RIMS2: variants seen among roughly 807,000 people sequenced by gnomAD.
The protein encoded by RIMS2 is regulating synaptic membrane exocytosis 2, also known as regulating synaptic membrane exocytosis protein 2.
RIMS2 carries 59 observed loss-of-function variants against 174.4 expected under a neutral mutation model. The observed-to-expected ratio is 0.34, with a 90% confidence interval of 0.27 to 0.42. The LOEUF is 0.42. RIMS2 is among the 10% of genes least tolerant of loss of function. RIMS2 has a pLI of 1.00. For missense variants in RIMS2, 1,620 were observed against 1,666.3 expected (o/e 0.97, Z 0.48); for synonymous variants, 606 against 572.5 (o/e 1.06, Z -0.84).
At chr8:103,875,790 A>G in intron 3 of RIMS2, among the ~76,000 whole-genome samples, 1 of 151,966 alleles carries the variant, frequency 6.6e-6, no homozygotes, top group Non-Finnish European at 1.5e-5. Context: ...CTGACTGTTT[A>G]ATAATGGCCA....
chr8:104,002,541 C>T (rs1596836570), intron 17 of RIMS2, among the ~76,000 whole-genome samples: 1 of 152,208 alleles, frequency 6.6e-6, no homozygotes, highest in East Asian at 1.9e-4. Flanking sequence ...AAAGTAGCAT[C>T]AGTATCTAAG....
chr8:103,766,529 T>C, exon 3 of RIMS2: 1 of 1,605,266 alleles, frequency 6.2e-7, no homozygotes, highest in Non-Finnish European at 8.5e-7. Flanking sequence ...GTGACATAGC[T>C]TCAGACAGGT....
chr8:103,946,566 A>G (rs1470287756), intron 14 of RIMS2, among the ~76,000 whole-genome samples: 1 of 152,190 alleles, frequency 6.6e-6, no homozygotes, highest in Non-Finnish European at 1.5e-5. Context: ...AAGATGTTCA[A>G]ACTCGTACAA....
chr8:104,107,334 A>G (rs1239813041), intron 19 of RIMS2, among the ~76,000 whole-genome samples: 1 of 152,138 alleles, frequency 6.6e-6, no homozygotes, highest in East Asian at 1.9e-4. Flanking sequence ...CTTTTAAAAT[A>G]ATAGTTTCTC....
chr8:103,513,660 G>T (rs559330864), intron 1 of RIMS2, among the ~76,000 whole-genome samples: 2 of 152,262 alleles, frequency 1.3e-5, no homozygotes, highest in South Asian at 4.1e-4. Context: ...GGGAATTGTG[G>T]TTAAGGAAGT....
chr8:104,095,910 G>A (rs1338735215), intron 19 of RIMS2, among the ~76,000 whole-genome samples: 1 of 151,902 alleles, frequency 6.6e-6, no homozygotes, highest in Non-Finnish European at 1.5e-5. Flanking sequence ...CCCTTCCCTT[G>A]TTATCTTAGA....
chr8:104,007,891 T>G (rs555772713), intron 17 of RIMS2, among the ~76,000 whole-genome samples: 1 of 152,274 alleles, frequency 6.6e-6, no homozygotes, highest in South Asian at 2.1e-4. Flanking sequence ...TTGGACTTAT[T>G]ATGAAGTGAC....
chr8:103,946,621 A>G (rs771818673), intron 14 of RIMS2, among the ~76,000 whole-genome samples: 2 of 152,234 alleles, frequency 1.3e-5, no homozygotes, highest in Non-Finnish European at 2.9e-5. Context: ...AAAGAGATAT[A>G]AATAAATGGA....
rs1489360917 is a variant in RIMS2 at position 104,082,474 on chromosome 8, T to A, written c.3334+67859T>A. ...GAATGTAACACATGAAGTGAAGGAC[T>A]TCTCAGGCTGAAGAGAGAGCTTAAA... On this transcript the variant is annotated intron_variant, in intron 19 of 23. Coordinates refer to ENST00000504942, the Ensembl canonical transcript of RIMS2. Among the ~76,000 whole-genome samples the A allele has an allele frequency of 1.2e-4, 18 of 152,132 alleles. No individual in the cohort carries two copies. In the South Asian group the frequency reaches 1.7e-3, roughly 14 times the overall value.
chr8:103,686,223 T>G (rs1486667545), intron 1 of RIMS2, among the ~76,000 whole-genome samples: 1 of 152,142 alleles, frequency 6.6e-6, no homozygotes, highest in Non-Finnish European at 1.5e-5. Flanking sequence ...ACAAGAGGTT[T>G]TTTCTTTCTA....
At chr8:104,154,001 C>T (rs1000672849) in intron 19 of RIMS2, among the ~76,000 whole-genome samples, 6 of 152,046 alleles carry the variant, frequency 3.9e-5, no homozygotes, top group Non-Finnish European at 8.8e-5. Context: ...GTAAAGAAAA[C>T]GAAGAGGTGA....
At chr8:103,518,220 T>C (rs901565432) in intron 1 of RIMS2, among the ~76,000 whole-genome samples, 36 of 152,222 alleles carry the variant, frequency 2.4e-4, no homozygotes, top group African/African-American at 8.7e-4. Flanking sequence ...CAAAAAATGA[T>C]TTGTAAGTTA....
At chr8:103,677,090 A>C (rs751451542) in intron 1 of RIMS2, among the ~76,000 whole-genome samples, 3 of 152,310 alleles carry the variant, frequency 2.0e-5, no homozygotes, top group Non-Finnish European at 4.4e-5. Context: ...CAAGTGTTTG[A>C]TGCTTTTGGG....
intron 13 of RIMS2, among the ~76,000 whole-genome samples, chr8:103,938,603 C>T (rs2081846486): frequency 6.6e-6 from 1 of 152,098 alleles, no homozygotes; most frequent in South Asian, 2.1e-4. Context: ...CATTTCAAAA[C>T]CAATCATGCC....
chr8:103,599,423 A>AATAT (rs747975885), intron 1 of RIMS2, among the ~76,000 whole-genome samples: 2 of 147,626 alleles, frequency 1.4e-5, no homozygotes, highest in Admixed American at 1.4e-4. Context: ...TATATAAATA[A>AATAT]ATATATATGT....
chr8:103,989,658 T>C (rs1337942126), intron 17 of RIMS2, among the ~76,000 whole-genome samples: 8 of 152,240 alleles, frequency 5.3e-5, no homozygotes, highest in Non-Finnish European at 1.2e-4. Context: ...CATTTTGTTT[T>C]TGGTTTAATC....
At chr8:103,818,298 A>C (rs756458083) in intron 3 of RIMS2, among the ~76,000 whole-genome samples, 3 of 152,178 alleles carry the variant, frequency 2.0e-5, no homozygotes, top group Non-Finnish European at 4.4e-5. Context: ...AAAGGTTAAG[A>C]GCTATTAAAA....
intron 3 of RIMS2, among the ~76,000 whole-genome samples, chr8:103,772,511 A>G (rs1408644279): frequency 6.6e-6 from 1 of 152,132 alleles, no homozygotes; most frequent in African/African-American, 2.4e-5. Context: ...GAAAGAAATA[A>G]AAGAAAGTCT....
In RIMS2 at chr8:103,826,069, C is replaced by CT. The variant is rs1312097547; in HGVS notation, c.699-59226dup. ...TGTTGTTGGCTATTTGTGTATCCTC[C>CT]TTTGTAAAGTGTCCAATATTTTTTA... On this transcript the variant is annotated intron_variant, in intron 3 of 23. Coordinates refer to ENST00000504942, the Ensembl canonical transcript of RIMS2. Among the ~76,000 whole-genome samples, 3 of 152,220 alleles carry CT rather than the reference C, an allele frequency of 2.0e-5. No individual in the cohort carries two copies. In the East Asian group the frequency reaches 5.8e-4, roughly 29 times the overall value.
Sources: allele counts gnomAD v4.1 joint callset (sites outside exome capture counted in the v4.1 genomes callset), GRCh38; gene constraint gnomAD v4.1.1; transcripts MANE v1.5; gene names NCBI Gene and HGNC (gene_info 2026-07-23, HGNC 2026-07-21).